The following BSN variants were observed in gnomAD, a reference collection of about 807,000 sequenced individuals.
BSN encodes the protein bassoon presynaptic cytomatrix protein, also known as protein bassoon.
BSN carries 57 observed loss-of-function variants against 264.8 expected under a neutral mutation model. The observed-to-expected ratio is 0.22, with a 90% CI of 0.17 to 0.27. The LOEUF (loss-of-function observed/expected upper bound fraction) is 0.27. BSN is among the 10% of genes least tolerant of loss of function. The pLI is 1.00. For synonymous variants in BSN, 2,059 were observed against 2,137.3 expected (o/e 0.96, Z 1.01); for missense variants, 4,615 against 5,232.5 (o/e 0.88, Z 3.64).
At chr3:49,604,354 C>G (rs1178516330) in intron 1 of BSN, among the ~76,000 whole-genome samples, 1 of 152,096 alleles carries the variant, frequency 6.6e-6, no homozygotes, top group Non-Finnish European at 1.5e-5. Flanking sequence ...ACTCTGTACC[C>G]ATTGAACAGT....
chr3:49,622,770 T>A (rs1298812181), intron 1 of BSN, among the ~76,000 whole-genome samples: 1 of 152,180 alleles, frequency 6.6e-6, no homozygotes, highest in South Asian at 2.1e-4. Context: ...GAAATTAGTA[T>A]ACTGAAAGGG....
chr3:49,656,372 T>G lies in BSN; in HGVS notation c.6816T>G (p.Ser2272Arg), dbSNP rs776632829. The change falls in exon 5 of 12, where the codon AGT becomes AGG. Residue 2272 changes from serine to arginine, a missense_variant. Coordinates refer to ENST00000296452, the MANE Select transcript of BSN (RefSeq NM_003458.4). ...PAPSRFPIASSVPPAEGPVYL... is the reference protein window; with the variant it reads ...PAPSRFPIASRVPPAEGPVYL... ...CAAGTAGATTTCCCATTGCTTCCAG[T>G]GTTCCACCTGCAGAAGGGCCTGTCT... 6.3e-7 allele frequency: 1 copy of G among 1,599,714 alleles called. No homozygotes were observed. The highest frequency in any genetic ancestry group is 1.1e-5 in the South Asian group (1 of 88,850).
At chr3:49,601,878 T>TC (rs1488819118) in intron 1 of BSN, among the ~76,000 whole-genome samples, 2 of 152,216 alleles carry the variant, frequency 1.3e-5, no homozygotes, top group Non-Finnish European at 2.9e-5. Flanking sequence ...TAGAGAGGAC[T>TC]CCATCTGTTG....
chr3:49,571,799 C>T (rs536142535), intron 1 of BSN, among the ~76,000 whole-genome samples: 57 of 152,224 alleles, frequency 3.7e-4, no homozygotes, highest in Middle Eastern at 6.8e-3. Flanking sequence ...ATTCTGGTAA[C>T]GTGTACTGAT....
At chr3:49,605,345 T>C (rs1381935123) in intron 1 of BSN, among the ~76,000 whole-genome samples, 1 of 86,832 alleles carries the variant, frequency 1.2e-5, no homozygotes, top group Non-Finnish European at 2.1e-5. Flanking sequence ...ATATATAATA[T>C]ATAAATATAT....
intron 6 of BSN, 151 bp from the exon 7 acceptor site, chr3:49,662,725 T>A: frequency 1.7e-6 from 1 of 591,964 alleles, no homozygotes; most frequent in African/African-American, 2.1e-5. Context: ...ATCTGTGCCC[T>A]GGTCCGTGGT....
chr3:49,589,763 C>T (rs2051963666), intron 1 of BSN, among the ~76,000 whole-genome samples: 1 of 151,506 alleles, frequency 6.6e-6, no homozygotes, highest in Non-Finnish European at 1.5e-5. Flanking sequence ...AGCCTTTGGC[C>T]TCCTGAAGTG....
chr3:49,661,347 G>T lies in BSN; in HGVS notation c.9502G>T (p.Val3168Phe). Residue 3168 changes from valine to phenylalanine, a missense_variant, in exon 6 of 12, where the codon GTT becomes TTT. This residue lies in a region of BSN where 3,415 missense variants were observed against 3,866.4 expected (regional missense o/e 0.88). Coordinates refer to ENST00000296452, the MANE Select transcript of BSN (RefSeq NM_003458.4). ...CAACTATGAGGTGATCGCCAGCCCC[G>T]TTGTGCCCATGTCTTCAGCCCCATC... ...PTNYEVIASP[V>F]VPMSSAPSET... 6.2e-7 allele frequency: 1 copy of T among 1,613,994 alleles called. No homozygotes were observed. Among genetic ancestry groups the T allele is most frequent in the South Asian group, 1.1e-5 (1 of 91,084 alleles).
chr3:49,585,327 A>C lies in BSN; in HGVS notation c.224+30501A>C, dbSNP rs1346908932. On this transcript the variant is annotated intron_variant, in intron 1 of 11. Transcript: ENST00000296452. The surrounding 1 kb of genome is among the most constrained non-coding windows in gnomAD (Gnocchi z 4.7). Reference sequence around the variant, plus strand: ...AAGCACCACTGTCCATCCGGAATTAAATCCACATCCCAGTATCTTCTGCAC... The same window carrying C: ...AAGCACCACTGTCCATCCGGAATTACATCCACATCCCAGTATCTTCTGCAC... Among the ~76,000 whole-genome samples, 5 of 152,290 alleles carry C rather than the reference A, an allele frequency of 3.3e-5. No homozygotes were observed. The highest frequency in any genetic ancestry group is 1.9e-4 in the East Asian group (1 of 5,178).
chr3:49,613,573 C>T (rs1366499669), intron 1 of BSN, among the ~76,000 whole-genome samples: 1 of 151,762 alleles, frequency 6.6e-6, no homozygotes, highest in Non-Finnish European at 1.5e-5. Flanking sequence ...CAGCTCACTG[C>T]AACCTCCACC....
At chr3:49,580,969 G>A (rs929859108) in intron 1 of BSN, among the ~76,000 whole-genome samples, 2 of 146,452 alleles carry the variant, frequency 1.4e-5, no homozygotes, top group Non-Finnish European at 3.0e-5. Context: ...TTTCTTCAGC[G>A]CCTGTTAACT....
At chr3:49,582,854 A>C (rs2051904821) in intron 1 of BSN, among the ~76,000 whole-genome samples, 1 of 152,188 alleles carries the variant, frequency 6.6e-6, no homozygotes, top group South Asian at 2.1e-4. Context: ...GAATCATGAA[A>C]GTGTATTGAC....
chr3:49,660,855 G>C lies in BSN; in HGVS notation c.9010G>C (p.Gly3004Arg). ...RGGRDYPPLR[G>R]LGEHRDYLSD... Reference sequence around the variant, plus strand: ...TGGCCGTGACTACCCACCCTTGCGTGGTCTTGGCGAGCATCGTGACTACCT... The same window carrying C: ...TGGCCGTGACTACCCACCCTTGCGTCGTCTTGGCGAGCATCGTGACTACCT... The change falls in exon 6 of 12, where the codon GGT becomes CGT. Residue 3004 changes from glycine to arginine, a missense_variant. By Grantham distance (125) the Gly-to-Arg change is moderately radical. Transcript: ENST00000296452. The surrounding 1 kb of genome is among the most constrained non-coding windows in gnomAD (Gnocchi z 7.1). The C allele has an allele frequency of 6.2e-7, 1 of 1,613,316 alleles. No homozygotes were observed. Among genetic ancestry groups the C allele is most frequent in the Non-Finnish European group, 8.5e-7 (1 of 1,180,018 alleles).
intron 10 of BSN, 46 bp downstream of exon 10, chr3:49,664,899 A>C: frequency 1.1e-4 from 62 of 582,436 alleles, no homozygotes; most frequent in East Asian, 3.5e-4. Flanking sequence ...GAAAGGCCCG[A>C]GGCACTGGGG....
At chr3:49,645,355 T>G (rs1444421833) in intron 3 of BSN, among the ~76,000 whole-genome samples, 1 of 152,196 alleles carries the variant, frequency 6.6e-6, no homozygotes, top group Non-Finnish European at 1.5e-5. Context: ...TCTCCCATGA[T>G]TCCCACCATA....
rs2051968210 is a variant in BSN, at chr3:49,590,243, G to T, written c.225-34732G>T. ...GGTTGCTGTTTGCATGATAATCTTT[G>T]CCCATTAAAAAAAATTTCAACCTAT... On this transcript the variant is annotated intron_variant, in intron 1 of 11. Coordinates refer to ENST00000296452, the MANE Select transcript of BSN (RefSeq NM_003458.4). Among the ~76,000 whole-genome samples, 5 of 151,516 alleles carry T rather than the reference G, an allele frequency of 3.3e-5. No individual in the cohort carries two copies. In the South Asian group the frequency reaches 1.0e-3, roughly 31 times the overall value.
At chr3:49,590,522 T>A (rs2051970313) in intron 1 of BSN, among the ~76,000 whole-genome samples, 1 of 152,114 alleles carries the variant, frequency 6.6e-6, no homozygotes, top group East Asian at 1.9e-4. Context: ...ATTTTAATTA[T>A]ATATTTTAAA....
At chr3:49,597,547 T>C (rs964047715) in intron 1 of BSN, among the ~76,000 whole-genome samples, 7 of 152,056 alleles carry the variant, frequency 4.6e-5, no homozygotes, top group Non-Finnish European at 8.8e-5. Context: ...CCCAGGCTGT[T>C]CTTGAACTCC....
intron 1 of BSN, among the ~76,000 whole-genome samples, chr3:49,582,321 C>G (rs1006043702): frequency 2.0e-5 from 3 of 152,126 alleles, no homozygotes; most frequent in African/African-American, 7.2e-5. Flanking sequence ...GTTTTCAAGA[C>G]AGGGTCTTGC....
Sources: allele counts gnomAD v4.1 joint callset (sites outside exome capture counted in the v4.1 genomes callset), GRCh38; gene constraint gnomAD v4.1.1; regional missense constraint gnomAD v4.1.1; non-coding constraint Gnocchi (gnomAD v3.1); transcripts MANE v1.5; gene names NCBI Gene and HGNC (gene_info 2026-07-23, HGNC 2026-07-21).